The following SGCZ variants were observed in gnomAD, a reference collection of about 807,000 sequenced individuals.
The protein encoded by SGCZ is zeta-sarcoglycan.
In SGCZ, 40 loss-of-function variants were observed where a neutral mutation model predicts 41.3. The ratio of observed to expected loss-of-function variants is 0.97; its 90% CI spans 0.75 to 1.26. The LOEUF (loss-of-function observed/expected upper bound fraction) is 1.26. SGCZ is among the 50% of genes most tolerant of loss of function. The pLI is 0.00. For synonymous variants in SGCZ, 206 were observed against 137.5 expected, an observed-to-expected ratio of 1.50 and a Z score of -3.49; for missense variants, 552 against 369.8, an observed-to-expected ratio of 1.49 and a Z score of -4.04.
chr8:14,434,363 A>G (rs1800027975), intron 2 of SGCZ, among the ~76,000 whole-genome samples: 1 of 152,172 alleles, frequency 6.6e-6, no homozygotes, highest in Non-Finnish European at 1.5e-5. Context: ...TCTTTGGGTG[A>G]CTGTGGCCTT....
At chr8:14,883,255 A>C (rs1333894850) in intron 1 of SGCZ, among the ~76,000 whole-genome samples, 1 of 149,918 alleles carries the variant, frequency 6.7e-6, no homozygotes, top group Non-Finnish European at 1.5e-5. Context: ...AAAAAACCAC[A>C]GAGTGCAAAG....
chr8:14,873,880 C>T (rs978086880), intron 1 of SGCZ, among the ~76,000 whole-genome samples: 1 of 152,150 alleles, frequency 6.6e-6, no homozygotes, highest in African/African-American at 2.4e-5. Context: ...TATTTGGCAA[C>T]TGTCTTTCTC....
Position 14,279,805 on chromosome 8 carries a change from A to T in SGCZ, c.337-42126T>A, listed in dbSNP as rs1190859408. Among the ~76,000 whole-genome samples the T allele has an allele frequency of 2.0e-5, 3 of 151,804 alleles. No individual in the cohort carries two copies. The East Asian group carries it at 5.8e-4, about 29-fold the overall frequency. ...AACTGAATTTTCAGAAAATACTCTT[A>T]TTTATAATCTGGATCCTCATGCTTC... On this transcript the variant is annotated intron_variant, in intron 3 of 7. Transcript: ENST00000382080.
At chr8:14,192,119 T>TA (rs1039711784) in intron 4 of SGCZ, among the ~76,000 whole-genome samples, 2 of 152,020 alleles carry the variant, frequency 1.3e-5, no homozygotes, top group African/African-American at 4.8e-5. Flanking sequence ...TGGTACTTCC[T>TA]AAAAAAATAC....
At chr8:14,711,880 C>T (rs1809530550) in intron 1 of SGCZ, among the ~76,000 whole-genome samples, 1 of 152,110 alleles carries the variant, frequency 6.6e-6, no homozygotes, top group Non-Finnish European at 1.5e-5. Flanking sequence ...AATTGAAAGC[C>T]AATATACTGA....
At chr8:14,153,940 GACACAC>G (rs57842795) in intron 5 of SGCZ, among the ~76,000 whole-genome samples, 2 of 142,836 alleles carry the variant, frequency 1.4e-5, no homozygotes, top group Non-Finnish European at 3.0e-5. Context: ...CACACACACA[GACACAC>G]ACACACACAC....
At chr8:14,434,306 A>G (rs897989015) in intron 2 of SGCZ, among the ~76,000 whole-genome samples, 1 of 152,124 alleles carries the variant, frequency 6.6e-6, no homozygotes, top group Admixed American at 6.5e-5. Context: ...TGGGTTCTGT[A>G]TTCTGATCCA....
At chr8:14,117,072 A>C (rs963903316) in intron 5 of SGCZ, among the ~76,000 whole-genome samples, 3 of 152,068 alleles carry the variant, frequency 2.0e-5, no homozygotes, top group African/African-American at 7.2e-5. Context: ...AATATCTTTA[A>C]AGATGGCATG....
chr8:15,015,333 T>C (rs1295335939), intron 1 of SGCZ, among the ~76,000 whole-genome samples: 1 of 152,120 alleles, frequency 6.6e-6, no homozygotes, highest in Non-Finnish European at 1.5e-5. Context: ...AAATAGATGA[T>C]AGATGGATTA....
intron 2 of SGCZ, among the ~76,000 whole-genome samples, chr8:14,399,920 T>C (rs1317910908): frequency 6.6e-6 from 1 of 152,102 alleles, no homozygotes; most frequent in Non-Finnish European, 1.5e-5. Context: ...TGGGCAATTA[T>C]CAACATCTAA....
At chr8:14,128,938 T>C (rs1585160635) in intron 5 of SGCZ, among the ~76,000 whole-genome samples, 1 of 151,928 alleles carries the variant, frequency 6.6e-6, no homozygotes, top group African/African-American at 2.4e-5. Flanking sequence ...AAGTGGACGG[T>C]GGAGAGGAGG....
intron 4 of SGCZ, 52 bp downstream of exon 4, chr8:14,237,540 C>G: frequency 6.6e-7 from 1 of 1,524,324 alleles, no homozygotes; most frequent in South Asian, 1.2e-5. Flanking sequence ...CCAAAAACAA[C>G]AACAAAAAAA....
intron 5 of SGCZ, among the ~76,000 whole-genome samples, chr8:14,144,060 G>A (rs987347086): frequency 6.6e-6 from 1 of 152,106 alleles, no homozygotes; most frequent in Non-Finnish European, 1.5e-5. Flanking sequence ...TAGGCCATGA[G>A]GACTTGCCAA....
At chr8:14,610,703 GA>G (rs563872347) in intron 1 of SGCZ, among the ~76,000 whole-genome samples, 3 of 152,038 alleles carry the variant, frequency 2.0e-5, no homozygotes, top group Non-Finnish European at 2.9e-5. Flanking sequence ...TTCATAAAAT[GA>G]AAAAAATAAG....
intron 4 of SGCZ, among the ~76,000 whole-genome samples, chr8:14,200,243 T>A (rs1047449058): frequency 2.0e-5 from 3 of 152,180 alleles, no homozygotes; most frequent in Non-Finnish European, 4.4e-5. Context: ...ATAGACTGTG[T>A]TCATGGATTA....
intron 1 of SGCZ, among the ~76,000 whole-genome samples, chr8:14,947,608 T>A (rs886265342): frequency 6.6e-6 from 1 of 152,318 alleles, no homozygotes; most frequent in Middle Eastern, 3.4e-3. Flanking sequence ...AAAGGCGTAG[T>A]GCCCCTTCAG....
intron 5 of SGCZ, among the ~76,000 whole-genome samples, chr8:14,112,286 G>A (rs1387253301): frequency 1.8e-5 from 2 of 111,344 alleles, no homozygotes; most frequent in South Asian, 6.2e-4. Context: ...TTTTTTGTGG[G>A]GGGGGGGTGC....
At chr8:14,229,682 A>C (rs1280351735) in intron 4 of SGCZ, among the ~76,000 whole-genome samples, 1 of 152,018 alleles carries the variant, frequency 6.6e-6, no homozygotes, top group African/African-American at 2.4e-5. Flanking sequence ...TAAAAAAAAC[A>C]TAAATTTGGA....
intron 1 of SGCZ, among the ~76,000 whole-genome samples, chr8:14,865,062 G>C (rs1186567992): frequency 6.6e-6 from 1 of 151,958 alleles, no homozygotes; most frequent in Non-Finnish European, 1.5e-5. Context: ...AGATTTGTGT[G>C]TGTACACACA....
Sources: allele counts gnomAD v4.1 joint callset (sites outside exome capture counted in the v4.1 genomes callset), GRCh38; gene constraint gnomAD v4.1.1; transcripts MANE v1.5; gene names NCBI Gene and HGNC (gene_info 2026-07-23, HGNC 2026-07-21).